Variants in DCDC2C observed in about 807,000 individuals in gnomAD.
The protein encoded by DCDC2C is doublecortin domain containing 2C, also known as doublecortin domain-containing protein 2C.
DCDC2C carries 44 observed loss-of-function variants against 45.0 expected under a neutral mutation model. The ratio of observed to expected loss-of-function variants is 0.98; its 90% confidence interval spans 0.77 to 1.26. DCDC2C has a LOEUF of 1.26. Ranked by LOEUF, DCDC2C falls within the 50% of genes most tolerant of loss-of-function variation. The pLI, the probability that DCDC2C is intolerant of heterozygous loss-of-function variation, is 0.00. For synonymous variants in DCDC2C, 187 were observed against 178.8 expected, an observed-to-expected ratio of 1.05 and a Z score of -0.37; for missense variants, 447 against 468.9, an observed-to-expected ratio of 0.95 and a Z score of 0.43.
intron 6 of DCDC2C, among the ~76,000 whole-genome samples, chr2:3,762,909 A>G (rs1166639506): frequency 1.3e-5 from 2 of 152,110 alleles, no homozygotes; most frequent in Non-Finnish European, 2.9e-5. Context: ...GCTGGGGAAC[A>G]GCAAGCGTGT....
At chr2:3,794,244 TAAA>T (rs1250937236) in intron 10 of DCDC2C, among the ~76,000 whole-genome samples, 1 of 152,248 alleles carries the variant, frequency 6.6e-6, no homozygotes, top group Admixed American at 6.5e-5. Context: ...ATACAATACT[TAAA>T]AAATCACATG....
intron 3 of DCDC2C, among the ~76,000 whole-genome samples, chr2:3,739,632 A>G (rs554010090): frequency 1.8e-4 from 27 of 152,358 alleles, no homozygotes; most frequent in African/African-American, 6.5e-4. Context: ...GACTCCAGGG[A>G]AAAACCGTCT....
At chr2:3,760,099 C>G (rs1004947306) in intron 6 of DCDC2C, among the ~76,000 whole-genome samples, 4 of 152,206 alleles carry the variant, frequency 2.6e-5, no homozygotes, top group Admixed American at 2.6e-4. Flanking sequence ...CTTCCTGGAT[C>G]TCTGTCATCA....
At chr2:3,823,615 T>A (rs1045935149) in intron 10 of DCDC2C, among the ~76,000 whole-genome samples, 4 of 152,222 alleles carry the variant, frequency 2.6e-5, no homozygotes, top group African/African-American at 9.6e-5. Context: ...CTCCATGTAT[T>A]TTGGGACTCA....
intron 10 of DCDC2C, among the ~76,000 whole-genome samples, chr2:3,789,474 C>T (rs1316302086): frequency 1.3e-5 from 2 of 152,210 alleles, no homozygotes; most frequent in East Asian, 1.9e-4. Context: ...TGTGAGTCAC[C>T]TGTCTCAAGA....
At chr2:3,827,510 A>G (rs1248210715) in intron 10 of DCDC2C, among the ~76,000 whole-genome samples, 2 of 152,188 alleles carry the variant, frequency 1.3e-5, no homozygotes, top group African/African-American at 2.4e-5. Flanking sequence ...GACCCATCAT[A>G]CATTATGCTA....
intron 2 of DCDC2C, among the ~76,000 whole-genome samples, chr2:3,713,070 A>G (rs1348542523): frequency 1.3e-5 from 2 of 152,236 alleles, no homozygotes; most frequent in Non-Finnish European, 2.9e-5. Flanking sequence ...GCTCGTTTGC[A>G]GTAGAGCTTG....
intron 10 of DCDC2C, among the ~76,000 whole-genome samples, chr2:3,825,375 A>T (rs946008836): frequency 1.3e-5 from 2 of 152,110 alleles, no homozygotes; most frequent in African/African-American, 4.8e-5. Flanking sequence ...GGAGGAATTT[A>T]TCTTTCTTTA....
At chr2:3,797,626 T>C (rs1670995978) in intron 10 of DCDC2C, among the ~76,000 whole-genome samples, 1 of 150,030 alleles carries the variant, frequency 6.7e-6, no homozygotes, top group Non-Finnish European at 1.5e-5. Flanking sequence ...TTTCGTTATG[T>C]ACCCAGTAGT....
chr2:3,822,490 A>G (rs1200695124), intron 10 of DCDC2C, among the ~76,000 whole-genome samples: 2 of 151,778 alleles, frequency 1.3e-5, no homozygotes, highest in African/African-American at 2.4e-5. Context: ...GATTTTATCA[A>G]TTTTAGTGTT....
At chr2:3,776,772 T>G (rs1314189192) in intron 8 of DCDC2C, among the ~76,000 whole-genome samples, 3 of 152,226 alleles carry the variant, frequency 2.0e-5, no homozygotes, top group African/African-American at 7.2e-5. Context: ...TAACACCTCC[T>G]GTAGATGTCC....
chr2:3,785,852 T>TAA (rs1268808529), intron 10 of DCDC2C, among the ~76,000 whole-genome samples: 1 of 152,136 alleles, frequency 6.6e-6, no homozygotes, highest in African/African-American at 2.4e-5. Flanking sequence ...GAAGCCAGCG[T>TAA]CTGCACACCC....
intron 10 of DCDC2C, among the ~76,000 whole-genome samples, chr2:3,816,941 C>T (rs568591014): frequency 6.6e-6 from 1 of 152,174 alleles, no homozygotes; most frequent in Non-Finnish European, 1.5e-5. Flanking sequence ...AAAAGGCGGA[C>T]TAGCGGCTTG....
chr2:3,727,065 A>G lies in DCDC2C; in HGVS notation c.402A>G (p.Ile134Met). 6.5e-7 allele frequency: 1 copy of G among 1,549,838 alleles called. No homozygotes were observed. The highest frequency in any genetic ancestry group is 8.7e-7 in the Non-Finnish European group (1 of 1,146,370). The change falls in exon 3 of 11, where the codon ATA (isoleucine) becomes ATG (methionine). Residue 134 changes from isoleucine to methionine, a missense_variant. Physicochemically the swap from Ile to Met is conservative, Grantham distance 10. Coordinates refer to ENST00000399143, the MANE Select transcript of DCDC2C (RefSeq NM_001287444.2). ...VPSKWQTYHRISRHINVFTNG... is the reference protein window; with the variant it reads ...VPSKWQTYHRMSRHINVFTNG... Reference sequence around the variant, plus strand: ...CCAAGTGGCAAACATATCATCGTATATCTCGACATATAAAGTGAGTATAAT... The same window carrying G: ...CCAAGTGGCAAACATATCATCGTATGTCTCGACATATAAAGTGAGTATAAT...
chr2:3,791,806 T>G (rs935355337), intron 10 of DCDC2C, among the ~76,000 whole-genome samples: 6 of 152,168 alleles, frequency 3.9e-5, no homozygotes, highest in Non-Finnish European at 8.8e-5. Context: ...AGCCACCCTG[T>G]GGGCAGGGTG....
chr2:3,795,899 G>A (rs1437628826), intron 10 of DCDC2C, among the ~76,000 whole-genome samples: 13 of 121,822 alleles, frequency 1.1e-4, no homozygotes, highest in Admixed American at 6.5e-4. Flanking sequence ...TTCCAATTCC[G>A]TGAAGAAAGT....
chr2:3,823,778 G>T (rs546528950), intron 10 of DCDC2C, among the ~76,000 whole-genome samples: 2 of 151,066 alleles, frequency 1.3e-5, no homozygotes, highest in East Asian at 3.9e-4. Context: ...GAATTTTTTT[G>T]AATTTTCATC....
intron 10 of DCDC2C, among the ~76,000 whole-genome samples, chr2:3,826,705 C>T (rs987294725): frequency 3.9e-5 from 6 of 152,156 alleles, no homozygotes; most frequent in Admixed American, 2.6e-4. Flanking sequence ...CCTTCCACAG[C>T]TTTGCGTGGT....
At chr2:3,728,418 G>A (rs1034057580) in intron 3 of DCDC2C, among the ~76,000 whole-genome samples, 1 of 152,146 alleles carries the variant, frequency 6.6e-6, no homozygotes, top group African/African-American at 2.4e-5. Context: ...TGTCTTTCCC[G>A]CAGAACATAC....
Sources: gnomAD v4.1 joint callset for allele counts (sites outside exome capture counted in the v4.1 genomes callset) on GRCh38, gnomAD v4.1.1 for gene constraint, MANE v1.5 for transcripts, NCBI Gene and HGNC (gene_info 2026-07-23, HGNC 2026-07-21) for gene names.